The following NAA60 variants were observed in gnomAD, a reference collection of about 807,000 sequenced individuals.
The protein encoded by NAA60 is N-alpha-acetyltransferase 60.
NAA60 carries 8 observed loss-of-function variants against 26.1 expected under a neutral mutation model. That is an observed-to-expected ratio of 0.31 (90% CI 0.18 to 0.55). The LOEUF is 0.55. Among genes scored for constraint, NAA60 ranks in the 20% least tolerant of loss-of-function variants. The pLI is 0.93. For missense variants in NAA60, 290 were observed against 311.3 expected (o/e 0.93, Z 0.51); for synonymous variants, 131 against 122.5 (o/e 1.07, Z -0.46).
chr16:3,455,228 G>T (rs1339148830), intron 2 of NAA60, among the ~76,000 whole-genome samples: 1 of 151,374 alleles, frequency 6.6e-6, no homozygotes, highest in Non-Finnish European at 1.5e-5. Context: ...ATTTTTTTTT[G>T]TTGTTGTATT....
At position 3,484,465 on chromosome 16, in the gene NAA60, C is replaced by T. The variant is rs2151023807; in HGVS notation, c.573-234C>T. 4 of 591,822 alleles carry T rather than the reference C, an allele frequency of 6.8e-6. 1 individual carries two copies. In the South Asian group the frequency reaches 8.3e-5, roughly 12 times the overall value. 36.7% of individuals were successfully genotyped at this position (591,822 alleles called of 1,614,324 possible). A position where few individuals can be genotyped will look rare whatever the true frequency, so the allele number is the denominator to read the frequency against. On this transcript the variant is annotated intron_variant, in intron 6 of 7. Transcript: ENST00000407558. Reference sequence around the variant, plus strand: ...GGGTGTGGTGTCCACATGCCTGCTGCCTCACTCAGAAGGCCCTTCTGTCCC... The same window carrying T: ...GGGTGTGGTGTCCACATGCCTGCTGTCTCACTCAGAAGGCCCTTCTGTCCC...
chr16:3,457,146 G>C (rs970286179), intron 2 of NAA60, among the ~76,000 whole-genome samples: 1 of 152,156 alleles, frequency 6.6e-6, no homozygotes, highest in Non-Finnish European at 1.5e-5. Context: ...AAAGCTCGGA[G>C]TTGAAATATA....
At chr16:3,452,723 A>G (rs186905256) in intron 2 of NAA60, among the ~76,000 whole-genome samples, 1 of 151,700 alleles carries the variant, frequency 6.6e-6, no homozygotes, top group Admixed American at 6.6e-5. Context: ...TTGGGAGGTA[A>G]GGTGGTCAGC....
chr16:3,481,937 G>T (rs1028598981), intron 4 of NAA60, among the ~76,000 whole-genome samples: 2 of 152,094 alleles, frequency 1.3e-5, no homozygotes, highest in African/African-American at 4.8e-5. Context: ...CTCCCACCCG[G>T]AATTCCATCT....
chr16:3,453,673 G>T (rs1353302432), intron 2 of NAA60, among the ~76,000 whole-genome samples: 3 of 152,118 alleles, frequency 2.0e-5, no homozygotes, highest in Admixed American at 1.3e-4. Flanking sequence ...CTCCGAAAGT[G>T]CTGGGATTAC....
In NAA60 at chr16:3,479,577, A is replaced by T. The variant is rs376416379; in HGVS notation, c.217A>T (p.Asn73Tyr). The T allele has an allele frequency of 2.5e-6, 4 of 1,613,936 alleles. No individual in the cohort carries two copies. The African/African-American group carries it at 4.0e-5, about 16-fold the overall frequency. The change falls in exon 4 of 8, where the codon AAC (asparagine) becomes TAC (tyrosine). Residue 73 changes from asparagine to tyrosine, a missense_variant. Asn to Tyr is a moderately radical substitution (Grantham distance 143). Transcript: ENST00000407558. ...GGGAATGATAGTAGCTGAAATTAAG[A>T]ACAGGACCAAAATACATAAAGAGGT... Reference protein sequence around the residue: ...IVGMIVAEIKNRTKIHKEDGD... With the variant: ...IVGMIVAEIKYRTKIHKEDGD...
intron 2 of NAA60, among the ~76,000 whole-genome samples, chr16:3,473,707 T>TTTGTTGTTGTTG (rs199845048): frequency 1.7e-3 from 241 of 145,908 alleles, no homozygotes; most frequent in African/African-American, 3.6e-3. Flanking sequence ...GCCCCAGCTT[T>TTTGTTGTTGTTG]TTGTTGTTGT....
At chr16:3,475,845 T>C (rs1372218253) in intron 2 of NAA60, among the ~76,000 whole-genome samples, 1 of 152,280 alleles carries the variant, frequency 6.6e-6, no homozygotes, top group East Asian at 1.9e-4. Flanking sequence ...TGGCAGCCAC[T>C]GGCTGGAGTT....
At chr16:3,451,922 A>T (rs893499905) in intron 2 of NAA60, among the ~76,000 whole-genome samples, 2 of 151,976 alleles carry the variant, frequency 1.3e-5, no homozygotes, top group Non-Finnish European at 2.9e-5. Context: ...TGTCTCAAAA[A>T]AAAAAATGAG....
intron 4 of NAA60, among the ~76,000 whole-genome samples, chr16:3,480,153 G>GT (rs768951805): frequency 1.3e-5 from 2 of 152,124 alleles, no homozygotes; most frequent in Admixed American, 6.5e-5. Flanking sequence ...GTTCCAAATG[G>GT]TTGAGTTTAG....
At position 3,482,525 on chromosome 16, in the gene NAA60, C is replaced by T. The variant is rs762772996; in HGVS notation, c.264C>T (p.Asn88=). ...AGGATGGAGATATTCTAGCATCCAACTTCTCTGTTGACACACAAGTCGCGT... is the reference window on the plus strand; with the variant it reads ...AGGATGGAGATATTCTAGCATCCAATTTCTCTGTTGACACACAAGTCGCGT... ...HKEDGDILAS[N]FSVDTQVAYI... The change falls in exon 5 of 8, where the codon AAC becomes AAT. Residue 88 remains asparagine (N), a synonymous_variant. Coordinates refer to ENST00000407558, the MANE Select transcript of NAA60 (RefSeq NM_001083601.3). 6.2e-7 allele frequency: 1 copy of T among 1,605,838 alleles called. No homozygotes were observed. Among genetic ancestry groups the T allele is most frequent in the South Asian group, 1.1e-5 (1 of 89,016 alleles).
At chr16:3,485,225 CCAAGCTAACA>C (rs1364110060) in intron 7 of NAA60, 164 bp downstream of exon 7, 2 of 679,058 alleles carry the variant, frequency 2.9e-6, no homozygotes, top group East Asian at 5.7e-5. Flanking sequence ...GTGACTTGTG[CCAAGCTAACA>C]CAGCAGGCTC....
At chr16:3,465,245 C>A (rs1404610892) in intron 2 of NAA60, among the ~76,000 whole-genome samples, 3 of 143,236 alleles carry the variant, frequency 2.1e-5, no homozygotes, top group Non-Finnish European at 4.5e-5. Context: ...CCAGCCTGGG[C>A]GACAGAGCGA....
chr16:3,484,991 C>T lies in NAA60; in HGVS notation c.*136C>T. The T allele has an allele frequency of 6.5e-7, 1 of 1,527,834 alleles. No individual in the cohort carries two copies. Among genetic ancestry groups the T allele is most frequent in the Non-Finnish European group, 8.8e-7 (1 of 1,139,848 alleles). 94.6% of individuals were successfully genotyped at this position (1,527,834 alleles called of 1,614,324 possible). A position where few individuals can be genotyped will look rare whatever the true frequency, so the allele number is the denominator to read the frequency against. ...TGGGCTCGTCGGCCTGCCCCAGCTG[C>T]AGGCCCGGTGCTACACGGGCTCGGG... On this transcript the variant is annotated 3_prime_UTR_variant, in exon 7 of 8. Coordinates refer to ENST00000407558, the MANE Select transcript of NAA60 (RefSeq NM_001083601.3).
intron 2 of NAA60, among the ~76,000 whole-genome samples, chr16:3,460,312 G>A (rs1459109189): frequency 6.6e-6 from 1 of 152,044 alleles, no homozygotes; most frequent in Admixed American, 6.5e-5. Flanking sequence ...ATCTCTTTTT[G>A]GAAGGAATCC....
intron 1 of NAA60, among the ~76,000 whole-genome samples, chr16:3,446,901 G>C (rs902386122): frequency 6.6e-6 from 1 of 151,996 alleles, no homozygotes; most frequent in African/African-American, 2.4e-5. Flanking sequence ...ATGAGCCACC[G>C]CACCTGGCCT....
rs1048730450 is a variant in NAA60 at position 3,449,551 on chromosome 16, G to A, written c.-7+1011G>A. 3.9e-5 allele frequency among the ~76,000 whole-genome samples: 6 copies of A among 152,036 alleles called. No individual in the cohort carries two copies. The South Asian group carries it at 1.2e-3, about 31-fold the overall frequency. ...AAAGAAAAATTTAGCCAGGCATGGT[G>A]GCGCCCAACTGTAGTCCCAGCTACT... On this transcript the variant is annotated intron_variant, in intron 2 of 7. Transcript: ENST00000407558.
rs1197671414 is a variant in NAA60, at chr16:3,482,910, C to G, written c.337+312C>G. ...ACTTCTGCTGCCGCCACACGCACAA[C>G]TCGTGTATTCACTGCTCACGATTCA... On this transcript the variant is annotated intron_variant, in intron 5 of 7. Transcript: ENST00000407558. The G allele has an allele frequency of 3.5e-5, 18 of 515,318 alleles. No homozygotes were observed. The South Asian group carries it at 3.9e-4, about 11-fold the overall frequency. 31.9% of individuals were successfully genotyped at this position (515,318 alleles called of 1,614,324 possible).
At chr16:3,457,985 A>G in intron 2 of NAA60, 1 of 985,148 alleles carries the variant, frequency 1.0e-6, no homozygotes, top group Non-Finnish European at 1.2e-6. Flanking sequence ...GGCGGCGGCC[A>G]ATGGGCTTCC....
Sources: allele counts gnomAD v4.1 joint callset (sites outside exome capture counted in the v4.1 genomes callset), GRCh38; gene constraint gnomAD v4.1.1; transcripts MANE v1.5; gene names NCBI Gene and HGNC (gene_info 2026-07-23, HGNC 2026-07-21).